The following HAPSTR1 variants were observed in gnomAD, a reference collection of about 807,000 sequenced individuals.
HAPSTR1 encodes the protein HUWE1-associated protein modifying stress responses 1.
chr16:9,093,517 C>G, the HAPSTR1 span, among the ~76,000 whole-genome samples: 167 of 152,322 alleles, frequency 1.1e-3, no homozygotes, highest in African/African-American at 3.9e-3. Context: ...GCGTGGCAGT[C>G]TATATAGTTT....
chr16:9,091,991 C>A, the HAPSTR1 span: 2 of 1,422,710 alleles, frequency 1.4e-6, no homozygotes, highest in South Asian at 1.4e-5. Context: ...GCGGGGGCCC[C>A]GCCTGAGGAG....
the HAPSTR1 span, chr16:9,117,652 C>T: frequency 2.0e-5 from 3 of 152,646 alleles, no homozygotes; most frequent in Non-Finnish European, 4.4e-5. Context: ...AAGACAAACA[C>T]TACTTCCCAT....
chr16:9,109,603 A>G, the HAPSTR1 span: 1 of 152,188 alleles, frequency 6.6e-6, no homozygotes, highest in Non-Finnish European at 1.5e-5. Context: ...AAAGGCCTCT[A>G]GCATGCAGGG....
At chr16:9,103,415 T>A in the HAPSTR1 span, 1 of 760,518 alleles carries the variant, frequency 1.3e-6, no homozygotes, top group Non-Finnish European at 2.0e-6. Context: ...GCTAAGAACT[T>A]AATATGGGCG....
chr16:9,116,845 G>T, the HAPSTR1 span: 1 of 1,614,070 alleles, frequency 6.2e-7, no homozygotes, highest in Non-Finnish European at 8.5e-7. Context: ...ACTAGAAAGC[G>T]TACCTCAGCC....
At chr16:9,109,856 G>C in the HAPSTR1 span, 1 of 152,040 alleles carries the variant, frequency 6.6e-6, no homozygotes, top group South Asian at 2.1e-4. Flanking sequence ...GTTGATTGCC[G>C]AGGCCTTTTT....
At chr16:9,102,846 T>G in the HAPSTR1 span, 1 of 813,012 alleles carries the variant, frequency 1.2e-6, no homozygotes, top group Admixed American at 2.8e-5. Context: ...CTGAAATCAT[T>G]TCAGTTTATA....
At chr16:9,102,927 G>C in the HAPSTR1 span, 9 of 1,547,832 alleles carry the variant, frequency 5.8e-6, no homozygotes, top group Non-Finnish European at 4.4e-6. Context: ...TTCTTTAGAA[G>C]GGAATACGGG....
chr16:9,102,663 C>T, the HAPSTR1 span, among the ~76,000 whole-genome samples: 2 of 152,184 alleles, frequency 1.3e-5, no homozygotes, highest in Non-Finnish European at 2.9e-5. Context: ...AATATTTAGA[C>T]ATCTGTTGAA....
chr16:9,092,870 G>T, the HAPSTR1 span: 3 of 1,465,436 alleles, frequency 2.0e-6, no homozygotes, highest in African/African-American at 1.4e-5. Context: ...CTCTTTCTAT[G>T]TGTGTTTCTT....
At chr16:9,092,300 C>T in the HAPSTR1 span, 4 of 1,464,468 alleles carry the variant, frequency 2.7e-6, no homozygotes, top group African/African-American at 2.9e-5. Flanking sequence ...CTTGGTACCG[C>T]TTGGCCGCCC....
the HAPSTR1 span, among the ~76,000 whole-genome samples, chr16:9,094,295 A>T: frequency 0.013 from 2,011 of 152,322 alleles, 27 homozygotes; most frequent in Non-Finnish European, 0.02. Flanking sequence ...CTTTGATTTT[A>T]TATAGCTGTT....
the HAPSTR1 span, chr16:9,103,057 G>A: frequency 2.5e-6 from 4 of 1,614,048 alleles, no homozygotes; most frequent in Non-Finnish European, 3.4e-6. Context: ...ATAAGGATGT[G>A]TTGGCTTGGG....
the HAPSTR1 span, chr16:9,117,528 A>G: frequency 6.5e-6 from 1 of 153,122 alleles, no homozygotes. Context: ...TAAATATTGA[A>G]TCAATGCCCA....
the HAPSTR1 span, chr16:9,103,352 G>T: frequency 7.4e-7 from 1 of 1,346,106 alleles, no homozygotes; most frequent in South Asian, 1.5e-5. Context: ...CAGATATACT[G>T]TTTTTTGTCT....
chr16:9,102,914 G>A, the HAPSTR1 span: 1 of 1,505,040 alleles, frequency 6.6e-7, no homozygotes, highest in East Asian at 2.3e-5. Context: ...TTGTAAAATG[G>A]TTTTCTTTAG....
the HAPSTR1 span, chr16:9,118,579 CT>C: frequency 6.6e-6 from 1 of 152,542 alleles, no homozygotes; most frequent in Non-Finnish European, 1.5e-5. Flanking sequence ...GATTTCTAAA[CT>C]TTTGCGAAAG....
chr16:9,118,849 A>T, the HAPSTR1 span: 1 of 152,586 alleles, frequency 6.6e-6, no homozygotes. Context: ...CACATATTTA[A>T]TTCCCCTTTA....
the HAPSTR1 span, among the ~76,000 whole-genome samples, chr16:9,096,132 T>G: frequency 2.0e-5 from 3 of 152,170 alleles, no homozygotes; most frequent in African/African-American, 7.2e-5. Flanking sequence ...AAGCCAGGTG[T>G]TAATTCACCA....
Sources: allele counts gnomAD v4.1 joint callset (sites outside exome capture counted in the v4.1 genomes callset), GRCh38; gene constraint gnomAD v4.1.1; transcripts MANE v1.5; gene names NCBI Gene and HGNC (gene_info 2026-07-23, HGNC 2026-07-21).